LARP1: variants seen among roughly 807,000 people sequenced by gnomAD.
LARP1 encodes the protein La ribonucleoprotein 1, translational regulator.
Under a neutral mutation model 122.7 loss-of-function variants are expected in LARP1, and 36 were observed. The observed-to-expected ratio is 0.29, with a 90% CI of 0.22 to 0.39. The LOEUF is 0.39. Ranked by LOEUF, LARP1 falls within the 10% of genes least tolerant of loss-of-function variation. The probability of loss-of-function intolerance (pLI) is 1.00; values close to 1 mark genes in which losing one functional copy is unlikely to be tolerated. For synonymous variants in LARP1, 539 were observed against 528.7 expected (o/e 1.02, Z -0.27); for missense variants, 1,040 against 1,403.6 (o/e 0.74, Z 4.14).
intron 1 of LARP1, among the ~76,000 whole-genome samples, chr5:154,770,430 A>G (rs910875137): frequency 6.6e-6 from 1 of 152,082 alleles, no homozygotes; most frequent in Non-Finnish European, 1.5e-5. Context: ...CCCCAAAGCC[A>G]TGCTGAGGAC....
rs1282320500 is a variant in LARP1, at chr5:154,815,945, C to A, written c.*1849C>A. ...AGTTCATTGTCCTGTTGCTTACTTA[C>A]TGCAATGTCTTTGGCCCTCCTTTTC... On this transcript the variant is annotated 3_prime_UTR_variant, in exon 19 of 19. Coordinates refer to ENST00000518297, the MANE Select transcript of LARP1 (RefSeq NM_033551.3). 6.6e-6 allele frequency: 1 copy of A among 152,264 alleles called. No homozygotes were observed. Among genetic ancestry groups the A allele is most frequent in the Non-Finnish European group, 1.5e-5 (1 of 68,072 alleles). 9.4% of individuals were successfully genotyped at this position (152,264 alleles called of 1,614,324 possible).
chr5:154,775,493 CAAAA>C (rs138027824), intron 1 of LARP1, among the ~76,000 whole-genome samples: 14 of 100,210 alleles, frequency 1.4e-4, no homozygotes, highest in Non-Finnish European at 2.6e-4. Flanking sequence ...GACCCTCCCT[CAAAA>C]AAAAAAAAAA....
chr5:154,749,823 A>C (rs1753393613), intron 1 of LARP1, among the ~76,000 whole-genome samples: 1 of 152,260 alleles, frequency 6.6e-6, no homozygotes, highest in Non-Finnish European at 1.5e-5. Flanking sequence ...CAATCCAAGG[A>C]GGAATAAAAC....
At chr5:154,732,293 A>G (rs1756637391) in intron 1 of LARP1, among the ~76,000 whole-genome samples, 1 of 152,202 alleles carries the variant, frequency 6.6e-6, no homozygotes. Flanking sequence ...AGGAAAAAGC[A>G]AAAATTTGGT....
In LARP1 at chr5:154,802,037, A is replaced by G; in HGVS notation, c.1747A>G (p.Thr583Ala). The G allele has an allele frequency of 6.2e-7, 1 of 1,613,536 alleles. No individual in the cohort carries two copies. Reference protein sequence around the residue: ...KSEESRFSHLTSLPQQLPSQQ... With the variant: ...KSEESRFSHLASLPQQLPSQQ... The stretch of plus-strand genomic sequence containing the variant: ...AGAGGAGTCCAGATTTTCCCACCTG[A>G]CCTCTCTGCCTCAGCAGCTGCCTTC... The change falls in exon 11 of 19, where the codon ACC becomes GCC. Residue 583 changes from threonine (T) to alanine (A), a missense_variant. Thr to Ala is a moderately conservative substitution (Grantham distance 58). This residue lies in a region of LARP1 where 362 missense variants were observed against 533.1 expected (regional missense o/e 0.68). Transcript: ENST00000518297. The surrounding 1 kb of genome is among the most constrained non-coding windows in gnomAD (Gnocchi z 5.1).
chr5:154,696,433 A>G (rs1754473625), intron 1 of LARP1, among the ~76,000 whole-genome samples: 1 of 152,218 alleles, frequency 6.6e-6, no homozygotes, highest in Admixed American at 6.5e-5. Context: ...GCTAGAGTGC[A>G]TGGTTCATTA....
upstream of LARP1, among the ~76,000 whole-genome samples, chr5:154,753,588 T>C (rs1238207093): frequency 6.6e-6 from 1 of 152,202 alleles, no homozygotes; most frequent in Non-Finnish European, 1.5e-5. Context: ...TACTGGCTTG[T>C]CTATAAAATT....
chr5:154,787,158 C>T (rs1582409142), intron 1 of LARP1, among the ~76,000 whole-genome samples: 2 of 152,310 alleles, frequency 1.3e-5, no homozygotes, highest in African/African-American at 2.4e-5. Flanking sequence ...GGATTACAGG[C>T]GTGAGCCACC....
At position 154,799,624 on chromosome 5, in the gene LARP1, G is replaced by A. The variant is rs777966789; in HGVS notation, c.1411G>A (p.Asp471Asn). The A allele has an allele frequency of 3.7e-6, 6 of 1,614,058 alleles. No individual in the cohort carries two copies. Among genetic ancestry groups the A allele is most frequent in the South Asian group, 3.3e-5 (3 of 91,080 alleles). The change falls in exon 9 of 19, where the codon GAT becomes AAT. Residue 471 changes from aspartate to asparagine, a missense_variant. Asp to Asn is a conservative substitution (Grantham distance 23). This residue lies in a region of LARP1 where 362 missense variants were observed against 533.1 expected (regional missense o/e 0.68). Transcript: ENST00000518297. The part of the protein sequence containing the change: ...LKDSKVVEIV[D>N]EKVRRREEPE... ...GGACAGCAAGGTGGTGGAGATCGTT[G>A]ATGAGAAAGTTCGTAGGAGGGAGGA...
chr5:154,698,225 CAT>C lies in LARP1; in HGVS notation c.-180+15191_-180+15192del, dbSNP rs569833741. Among the ~76,000 whole-genome samples, 404 of 152,220 alleles carry C rather than the reference CAT, an allele frequency of 2.7e-3. 3 individuals are homozygous for C. The highest frequency in any genetic ancestry group is 8.6e-3 in the African/African-American group (359 of 41,534). ...GTAATCATCAAATCAGGGTAATTAG[CAT>C]ATCTGTCACTTCAAATATTTATCAT... On this transcript the variant is annotated intron_variant, in intron 1 of 18. Transcript: ENST00000687700.
chr5:154,778,105 C>A (rs1398603986), intron 1 of LARP1, among the ~76,000 whole-genome samples: 1 of 151,796 alleles, frequency 6.6e-6, no homozygotes, highest in East Asian at 1.9e-4. Flanking sequence ...ATTAAAAATA[C>A]AAAAATTAGC....
At chr5:154,795,362 G>A (rs746767426) in intron 8 of LARP1, 43 bp downstream of exon 8, 3 of 1,598,810 alleles carry the variant, frequency 1.9e-6, no homozygotes, top group Non-Finnish European at 2.6e-6. Context: ...GGAAAGAAAG[G>A]TCCTTAGGGA....
intron 1 of LARP1, among the ~76,000 whole-genome samples, chr5:154,764,083 T>G (rs1347894667): frequency 6.6e-6 from 1 of 150,648 alleles, no homozygotes; most frequent in Non-Finnish European, 1.5e-5. Context: ...CCGAGGCAGG[T>G]GGATCACCTG....
Position 154,814,124 on chromosome 5 carries a change from G to C in LARP1, c.*28G>C. On this transcript the variant is annotated 3_prime_UTR_variant, in exon 19 of 19. Coordinates refer to ENST00000518297, the MANE Select transcript of LARP1 (RefSeq NM_033551.3). ...AGCTCCTTAGCCCTGGGGCTTGAGG[G>C]GGGAAAGGGGTAGGGTGGGTAAGAG... 2 of 1,610,502 alleles carry C rather than the reference G, an allele frequency of 1.2e-6. No individual in the cohort carries two copies. Among genetic ancestry groups the C allele is most frequent in the Non-Finnish European group, 8.5e-7 (1 of 1,177,474 alleles).
At chr5:154,806,390 A>G (rs146818618) in intron 15 of LARP1, among the ~76,000 whole-genome samples, 47 of 152,340 alleles carry the variant, frequency 3.1e-4, no homozygotes, top group African/African-American at 8.7e-4. Flanking sequence ...TGCTCTCTAG[A>G]ACAAAGGTTG....
rs1582381378 is a variant in LARP1, at chr5:154,778,010, C to T, written c.437-12315C>T. ...GGTGCGGTGACTCACGCCTGTAATC[C>T]CAGCACTTTGGGAGGCCGAGGCAGG... On this transcript the variant is annotated intron_variant, in intron 1 of 18. Transcript: ENST00000518297. Among the ~76,000 whole-genome samples the T allele has an allele frequency of 2.0e-5, 3 of 152,114 alleles. No homozygotes were observed. The Middle Eastern group carries it at 0.01, about 517-fold the overall frequency.
chr5:154,776,067 T>C (rs115390722), intron 1 of LARP1, among the ~76,000 whole-genome samples: 1 of 152,158 alleles, frequency 6.6e-6, no homozygotes, highest in Non-Finnish European at 1.5e-5. Flanking sequence ...CCCAGCACTT[T>C]GGGAGGTTAA....
At chr5:154,703,260 G>A (rs183946206) in intron 1 of LARP1, among the ~76,000 whole-genome samples, 21 of 151,966 alleles carry the variant, frequency 1.4e-4, no homozygotes, top group South Asian at 8.3e-4. Flanking sequence ...TGCGCTGGGC[G>A]TTAGCAAACT....
chr5:154,759,097 G>A (rs1335728650), intron 1 of LARP1, among the ~76,000 whole-genome samples: 2 of 152,232 alleles, frequency 1.3e-5, no homozygotes, highest in Non-Finnish European at 2.9e-5. Context: ...TGTACCACTT[G>A]TTAGCTGTGC....
Sources: allele counts gnomAD v4.1 joint callset (sites outside exome capture counted in the v4.1 genomes callset), GRCh38; gene constraint gnomAD v4.1.1; regional missense constraint gnomAD v4.1.1; non-coding constraint Gnocchi (gnomAD v3.1); transcripts MANE v1.5; gene names NCBI Gene and HGNC (gene_info 2026-07-23, HGNC 2026-07-21).